EFCAB5: variants seen among roughly 807,000 people sequenced by gnomAD.
EFCAB5 encodes the protein EF-hand calcium binding domain 5.
A neutral mutation model predicts 167.9 loss-of-function variants in EFCAB5; 131 were observed. The observed-to-expected ratio is 0.78, with a 90% confidence interval of 0.68 to 0.90. The LOEUF (loss-of-function observed/expected upper bound fraction) is 0.90. Among genes scored for constraint, EFCAB5 ranks in the 40% least tolerant of loss-of-function variants. EFCAB5 has a pLI of 0.00. For synonymous variants in EFCAB5, 574 were observed against 602.8 expected, an observed-to-expected ratio of 0.95 and a Z score of 0.70; for missense variants, 1,663 against 1,745.2, an observed-to-expected ratio of 0.95 and a Z score of 0.84.
intron 4 of EFCAB5, among the ~76,000 whole-genome samples, chr17:29,990,121 G>A (rs908248092): frequency 1.3e-5 from 2 of 152,024 alleles, no homozygotes. Context: ...TTGTCCATTG[G>A]GCCCTTCGCA....
At chr17:29,985,976 G>A (rs949666991) in intron 4 of EFCAB5, among the ~76,000 whole-genome samples, 9 of 152,172 alleles carry the variant, frequency 5.9e-5, no homozygotes, top group African/African-American at 2.2e-4. Context: ...GTCAGGATCT[G>A]CATCTACAGA....
intron 14 of EFCAB5, among the ~76,000 whole-genome samples, chr17:30,070,292 C>T (rs2070698354): frequency 6.6e-6 from 1 of 151,758 alleles, no homozygotes; most frequent in African/African-American, 2.4e-5. Context: ...CTACAGTTTC[C>T]ATACAATCCT....
rs370468285 is a variant in EFCAB5 at position 30,096,554 on chromosome 17, GA to G, written c.4321+3626del. On this transcript the variant is annotated intron_variant, in intron 22 of 22. Transcript: ENST00000394835. Reference sequence around the variant, plus strand: ...GGCAACATAGTGGATACCGTCTCTAGAAAAAAAACTTGGTTTAATAAGAACA... The same window carrying G: ...GGCAACATAGTGGATACCGTCTCTAGAAAAAAACTTGGTTTAATAAGAACA... Among the ~76,000 whole-genome samples, 481 of 147,078 alleles carry G rather than the reference GA, an allele frequency of 3.3e-3. 10 individuals carry two copies. In the South Asian group the frequency reaches 0.043, roughly 13 times the overall value.
chr17:30,103,245 G>A (rs1030696797), intron 22 of EFCAB5, among the ~76,000 whole-genome samples: 2 of 148,160 alleles, frequency 1.3e-5, no homozygotes, highest in African/African-American at 2.5e-5. Flanking sequence ...TATATATATG[G>A]GCACATGCTC....
chr17:30,077,132 C>T (rs1319591493), intron 14 of EFCAB5, among the ~76,000 whole-genome samples: 2 of 151,982 alleles, frequency 1.3e-5, no homozygotes, highest in African/African-American at 4.8e-5. Flanking sequence ...TGAAACCCCA[C>T]CTCTACTGAA....
intron 7 of EFCAB5, among the ~76,000 whole-genome samples, chr17:30,015,463 A>G (rs2069012090): frequency 6.6e-6 from 1 of 152,196 alleles, no homozygotes; most frequent in Admixed American, 6.5e-5. Flanking sequence ...GTCTTTTCAC[A>G]TAGTCCCATA....
intron 4 of EFCAB5, among the ~76,000 whole-genome samples, chr17:29,978,021 G>T (rs2068096546): frequency 6.6e-6 from 1 of 152,026 alleles, no homozygotes; most frequent in Admixed American, 6.6e-5. Flanking sequence ...CTTACAAGAT[G>T]CCAGCAGTAG....
At chr17:30,082,814 G>A in intron 17 of EFCAB5, 77 bp from the exon 18 acceptor site, 1 of 1,361,456 alleles carries the variant, frequency 7.3e-7, no homozygotes, top group African/African-American at 1.5e-5. Flanking sequence ...TACTGGTAAA[G>A]GTAATCCAAT....
intron 10 of EFCAB5, 140 bp downstream of exon 10, chr17:30,054,288 T>C: frequency 9.6e-7 from 1 of 1,038,236 alleles, no homozygotes; most frequent in Non-Finnish European, 1.4e-6. Context: ...ATTTTGCTGC[T>C]CCACATTAGT....
chr17:30,006,193 ACTT>A (rs1221800370), intron 7 of EFCAB5, among the ~76,000 whole-genome samples: 5 of 152,160 alleles, frequency 3.3e-5, no homozygotes, highest in African/African-American at 1.2e-4. Context: ...CTCAGAATAA[ACTT>A]CTTTAAAATA....
chr17:29,941,812 T>A lies in EFCAB5; in HGVS notation c.16T>A (p.Ser6Thr). Residue 6 changes from serine to threonine, a missense_variant, in exon 1 of 23, where the codon TCT (serine) becomes ACT (threonine). Ser to Thr is a moderately conservative substitution (Grantham distance 58). Transcript: ENST00000394835. MNESA[S>T]QEELRPAQEN... Reference sequence around the variant, plus strand: ...TGGAGTCCAAATGAATGAGTCAGCATCTCAAGAGGAACTCAGACCTGCTCA... The same window carrying A: ...TGGAGTCCAAATGAATGAGTCAGCAACTCAAGAGGAACTCAGACCTGCTCA... 6.2e-7 allele frequency: 1 copy of A among 1,605,894 alleles called. No homozygotes were observed. Among genetic ancestry groups the A allele is most frequent in the Non-Finnish European group, 8.5e-7 (1 of 1,175,564 alleles).
In EFCAB5 at chr17:30,012,623, G is replaced by T. The variant is rs1329104643; in HGVS notation, c.1044+12647G>T. Among the ~76,000 whole-genome samples, 10 of 152,190 alleles carry T rather than the reference G, an allele frequency of 6.6e-5. No homozygotes were observed. The East Asian group carries it at 1.9e-3, about 29-fold the overall frequency. On this transcript the variant is annotated intron_variant, in intron 7 of 22. Coordinates refer to ENST00000394835, the MANE Select transcript of EFCAB5 (RefSeq NM_198529.4). ...ATCCAATAAATATCAGTGCAGCCTG[G>T]TATTTGGGGCCACTACTGGTCTCCG...
chr17:29,944,055 G>T (rs913976163), intron 3 of EFCAB5, among the ~76,000 whole-genome samples: 3 of 152,116 alleles, frequency 2.0e-5, no homozygotes, highest in Non-Finnish European at 2.9e-5. Context: ...GCATTTTAAA[G>T]ATATAATTTC....
intron 3 of EFCAB5, among the ~76,000 whole-genome samples, chr17:29,951,031 C>G (rs1244409212): frequency 6.6e-6 from 1 of 152,112 alleles, no homozygotes; most frequent in East Asian, 1.9e-4. Context: ...CACACCTTTC[C>G]CTCTTCCCCC....
chr17:30,052,227 C>T (rs959435546), intron 9 of EFCAB5, among the ~76,000 whole-genome samples: 13 of 152,090 alleles, frequency 8.5e-5, no homozygotes, highest in African/African-American at 2.2e-4. Context: ...TACAATGGCG[C>T]GATCTCAGCT....
chr17:30,008,720 C>T (rs1245081642), intron 7 of EFCAB5, among the ~76,000 whole-genome samples: 3 of 151,988 alleles, frequency 2.0e-5, no homozygotes, highest in African/African-American at 4.8e-5. Flanking sequence ...AAAAAATTTA[C>T]AATAATTGTG....
At chr17:30,033,484 A>G (rs1342429596) in intron 7 of EFCAB5, among the ~76,000 whole-genome samples, 2 of 152,192 alleles carry the variant, frequency 1.3e-5, no homozygotes, top group African/African-American at 4.8e-5. Context: ...CAAGAATGTA[A>G]TTCGTTCCTG....
At chr17:30,004,787 A>ATTTTTTTTTTTT (rs60231360) in intron 7 of EFCAB5, among the ~76,000 whole-genome samples, 13 of 115,134 alleles carry the variant, frequency 1.1e-4, no homozygotes, top group Admixed American at 1.9e-4. Context: ...CTCCTGGCTA[A>ATTTTTTTTTTTT]TTTTTTTTTT....
At chr17:30,007,473 T>A (rs889232669) in intron 7 of EFCAB5, among the ~76,000 whole-genome samples, 5 of 152,210 alleles carry the variant, frequency 3.3e-5, no homozygotes, top group African/African-American at 1.2e-4. Flanking sequence ...TGGAGTAAAT[T>A]TTTAAAAATT....
Sources: gnomAD v4.1 joint callset for allele counts (sites outside exome capture counted in the v4.1 genomes callset) on GRCh38, gnomAD v4.1.1 for gene constraint, MANE v1.5 for transcripts, NCBI Gene and HGNC (gene_info 2026-07-23, HGNC 2026-07-21) for gene names.